The following CFAP20DC variants were observed in gnomAD, a reference collection of about 807,000 sequenced individuals.
CFAP20DC encodes protein CFAP20DC.
In CFAP20DC, 84 loss-of-function variants were observed where a neutral mutation model predicts 101.7. That is an observed-to-expected ratio of 0.83 (90% CI 0.69 to 0.99). CFAP20DC has a LOEUF of 0.99. CFAP20DC is among the 50% of genes least tolerant of loss of function. CFAP20DC has a pLI of 0.00. For missense variants in CFAP20DC, 1,007 were observed against 970.3 expected (o/e 1.04, Z -0.50); for synonymous variants, 359 against 351.2 (o/e 1.02, Z -0.25).
At chr3:58,889,012 TA>T (rs1048534732) in intron 6 of CFAP20DC, among the ~76,000 whole-genome samples, 6 of 152,032 alleles carry the variant, frequency 3.9e-5, no homozygotes, top group African/African-American at 1.4e-4. Context: ...CTTTTTTTTT[TA>T]ATTTTAGTAT....
At chr3:58,910,084 T>C (rs993075596) in intron 6 of CFAP20DC, among the ~76,000 whole-genome samples, 2 of 152,220 alleles carry the variant, frequency 1.3e-5, no homozygotes, top group East Asian at 1.9e-4. Context: ...TATGGCTGCA[T>C]AGTATTATTC....
chr3:58,990,123 A>G (rs1356099448), intron 4 of CFAP20DC, among the ~76,000 whole-genome samples: 2 of 152,190 alleles, frequency 1.3e-5, no homozygotes, highest in Non-Finnish European at 2.9e-5. Context: ...TGCCCTGGAA[A>G]CACTCTGAAC....
intron 16 of CFAP20DC, among the ~76,000 whole-genome samples, chr3:58,748,216 C>T (rs1397698135): frequency 6.6e-6 from 1 of 152,128 alleles, no homozygotes; most frequent in Non-Finnish European, 1.5e-5. Context: ...AGGAGGGCAC[C>T]TCTCCAAGGT....
intron 14 of CFAP20DC, among the ~76,000 whole-genome samples, chr3:58,808,676 C>T (rs1370658878): frequency 6.6e-6 from 1 of 152,176 alleles, no homozygotes; most frequent in Non-Finnish European, 1.5e-5. Flanking sequence ...AAATAACCAG[C>T]TAACATCATA....
Position 58,865,258 on chromosome 3 carries a change from A to G in CFAP20DC, c.1258+1308T>C, listed in dbSNP as rs183784575. Among the ~76,000 whole-genome samples, 20 of 152,294 alleles carry G rather than the reference A, an allele frequency of 1.3e-4. 1 individual carries two copies. The Middle Eastern group carries it at 0.01, about 78-fold the overall frequency. Reference sequence around the variant, plus strand: ...TCTAAGATTTGCAACTCTAAAGCCTACAATGCAAAAGCAAAAGCAAAAGAA... The same window carrying G: ...TCTAAGATTTGCAACTCTAAAGCCTGCAATGCAAAAGCAAAAGCAAAAGAA... On this transcript the variant is annotated intron_variant, in intron 11 of 16. Transcript: ENST00000482387.
At chr3:58,723,751 C>T (rs1052849817) in intron 3 of CFAP20DC, among the ~76,000 whole-genome samples, 1 of 152,204 alleles carries the variant, frequency 6.6e-6, no homozygotes, top group African/African-American at 2.4e-5. Context: ...TAGTAACCTT[C>T]CCCTTAGGGC....
At chr3:58,736,237 A>C (rs1483837690) in intron 3 of CFAP20DC, among the ~76,000 whole-genome samples, 1 of 152,162 alleles carries the variant, frequency 6.6e-6, no homozygotes, top group Non-Finnish European at 1.5e-5. Flanking sequence ...TGGCCAAAAA[A>C]GTTTTAAAGG....
intron 4 of CFAP20DC, among the ~76,000 whole-genome samples, chr3:58,974,281 C>G (rs2092140348): frequency 6.6e-6 from 1 of 152,024 alleles, no homozygotes; most frequent in South Asian, 2.1e-4. Context: ...ACTAGTAGTC[C>G]TCAGTGTCTT....
chr3:58,760,860 C>T (rs1303558386), intron 15 of CFAP20DC, among the ~76,000 whole-genome samples: 3 of 152,180 alleles, frequency 2.0e-5, no homozygotes, highest in African/African-American at 4.8e-5. Flanking sequence ...TATGTTGAAC[C>T]AGCCTTGCAT....
At chr3:58,769,534 G>C (rs946580705) in intron 15 of CFAP20DC, among the ~76,000 whole-genome samples, 1 of 152,166 alleles carries the variant, frequency 6.6e-6, no homozygotes, top group Non-Finnish European at 1.5e-5. Flanking sequence ...ATATAGATGA[G>C]AGCAAAAAGA....
intron 6 of CFAP20DC, among the ~76,000 whole-genome samples, chr3:58,910,577 G>A (rs1046982380): frequency 7.9e-5 from 12 of 151,940 alleles, no homozygotes; most frequent in Non-Finnish European, 1.2e-4. Flanking sequence ...AAATTTCACA[G>A]TGCTAAGTCT....
rs1699923682 is a variant in CFAP20DC, at chr3:59,047,090, A to T, written c.111+75T>A. 4 of 962,298 alleles carry T rather than the reference A, an allele frequency of 4.2e-6. No homozygotes were observed. In the South Asian group the frequency reaches 6.0e-5, roughly 15 times the overall value. 59.6% of individuals were successfully genotyped at this position (962,298 alleles called of 1,614,324 possible). A position where few individuals can be genotyped will look rare whatever the true frequency, so the allele number is the denominator to read the frequency against. On this transcript the variant is annotated intron_variant, in intron 2 of 16. Coordinates refer to ENST00000482387, the MANE Select transcript of CFAP20DC (RefSeq NM_001394063.1). ...ACAGGAAAAACAGCTCTGAAATTTG[A>T]TCACGCCCTTTCTTCTATAAGCTTC... is the stretch of plus-strand genomic sequence containing the variant.
At chr3:58,839,742 T>C (rs2076973447) in intron 13 of CFAP20DC, among the ~76,000 whole-genome samples, 1 of 152,210 alleles carries the variant, frequency 6.6e-6, no homozygotes. Context: ...GTCTGTCAAG[T>C]CTTTCTACCT....
chr3:58,780,251 C>T (rs978818729), intron 15 of CFAP20DC, among the ~76,000 whole-genome samples: 11 of 152,042 alleles, frequency 7.2e-5, no homozygotes, highest in Non-Finnish European at 1.0e-4. Context: ...AGAACAATTA[C>T]TATTGTCATG....
chr3:58,833,919 T>C (rs2108077881), intron 13 of CFAP20DC, among the ~76,000 whole-genome samples: 1 of 152,306 alleles, frequency 6.6e-6, no homozygotes, highest in Admixed American at 6.5e-5. Context: ...GAAAATATTA[T>C]GCTATCTGAA....
At chr3:58,948,001 C>T (rs570309851) in intron 4 of CFAP20DC, among the ~76,000 whole-genome samples, 1 of 152,200 alleles carries the variant, frequency 6.6e-6, no homozygotes, top group South Asian at 2.1e-4. Context: ...GGGGCCTTAA[C>T]TCCCCAGTAT....
intron 15 of CFAP20DC, among the ~76,000 whole-genome samples, chr3:58,803,292 C>T (rs931564108): frequency 1.3e-5 from 2 of 152,152 alleles, no homozygotes; most frequent in Non-Finnish European, 2.9e-5. Flanking sequence ...CAAGAGCCTA[C>T]CTGCTTTTTA....
At chr3:58,893,178 G>T (rs1026260484) in intron 6 of CFAP20DC, among the ~76,000 whole-genome samples, 1 of 151,880 alleles carries the variant, frequency 6.6e-6, no homozygotes, top group African/African-American at 2.4e-5. Flanking sequence ...TGAGTAGCTG[G>T]GACTACAGGT....
At chr3:59,028,742 T>G (rs941114619) in intron 4 of CFAP20DC, among the ~76,000 whole-genome samples, 2 of 152,222 alleles carry the variant, frequency 1.3e-5, no homozygotes, top group African/African-American at 4.8e-5. Context: ...TTATGCCTAC[T>G]ATCCAGGCTA....
Sources: gnomAD v4.1 joint callset for allele counts (sites outside exome capture counted in the v4.1 genomes callset) on GRCh38, gnomAD v4.1.1 for gene constraint, MANE v1.5 for transcripts, NCBI Gene and HGNC (gene_info 2026-07-23, HGNC 2026-07-21) for gene names.